The following HTR1F variants were observed in gnomAD, a reference collection of about 807,000 sequenced individuals.
The protein encoded by HTR1F is 5-hydroxytryptamine (serotonin) receptor 1F, G protein-coupled.
A neutral mutation model predicts 24.0 loss-of-function variants in HTR1F; 17 were observed. That is an observed-to-expected ratio of 0.71 (90% CI 0.48 to 1.06). HTR1F has a LOEUF of 1.06. Ranked by LOEUF, HTR1F falls within the 50% of genes least tolerant of loss-of-function variation. The pLI, the probability that HTR1F is intolerant of heterozygous loss-of-function variation, is 0.00. For synonymous variants in HTR1F, 186 were observed against 156.8 expected, an observed-to-expected ratio of 1.19 and a Z score of -1.39; for missense variants, 391 against 427.8, an observed-to-expected ratio of 0.91 and a Z score of 0.76.
At chr3:87,961,802 TAAA>T (rs5850819) in intron 2 of HTR1F, among the ~76,000 whole-genome samples, 1 of 142,784 alleles carries the variant, frequency 7.0e-6, no homozygotes, top group African/African-American at 2.5e-5. Context: ...TAATAAGATC[TAAA>T]AAAAAAAAAA....
intron 2 of HTR1F, among the ~76,000 whole-genome samples, chr3:87,930,713 C>G (rs140047938): frequency 6.6e-6 from 1 of 151,620 alleles, no homozygotes; most frequent in African/African-American, 2.4e-5. Flanking sequence ...GATTTTTGCA[C>G]TTTATAGACT....
At chr3:87,834,268 G>C (rs1400792175) in intron 2 of HTR1F, among the ~76,000 whole-genome samples, 6 of 151,938 alleles carry the variant, frequency 3.9e-5, no homozygotes, top group African/African-American at 1.5e-4. Flanking sequence ...TACACATAAG[G>C]TATGCATAAT....
At chr3:87,952,468 T>C (rs879620213) in intron 2 of HTR1F, among the ~76,000 whole-genome samples, 6 of 151,876 alleles carry the variant, frequency 4.0e-5, no homozygotes, top group Non-Finnish European at 7.4e-5. Context: ...ATCTATAAAA[T>C]GGGGATTAAA....
At chr3:87,956,823 T>G (rs1704954748) in intron 2 of HTR1F, among the ~76,000 whole-genome samples, 1 of 151,432 alleles carries the variant, frequency 6.6e-6, no homozygotes, top group Non-Finnish European at 1.5e-5. Context: ...TAACGTTGTA[T>G]CCTGCAACTT....
At chr3:87,956,579 T>C (rs927888112) in intron 2 of HTR1F, among the ~76,000 whole-genome samples, 2 of 151,388 alleles carry the variant, frequency 1.3e-5, no homozygotes, top group African/African-American at 2.4e-5. Context: ...TAGATAAATT[T>C]GGGAATAATT....
chr3:87,880,077 A>C (rs1163030551), intron 2 of HTR1F, among the ~76,000 whole-genome samples: 2 of 152,214 alleles, frequency 1.3e-5, no homozygotes, highest in Admixed American at 1.3e-4. Flanking sequence ...GCACAAAAAA[A>C]GTTGAAAGAC....
intron 2 of HTR1F, among the ~76,000 whole-genome samples, chr3:87,970,758 C>T (rs550483367): frequency 1.3e-5 from 2 of 152,286 alleles, no homozygotes; most frequent in South Asian, 2.1e-4. Flanking sequence ...TTACATTTGA[C>T]TTTAGCTACT....
At chr3:87,809,636 T>C (rs1704128385) in intron 1 of HTR1F, among the ~76,000 whole-genome samples, 1 of 152,018 alleles carries the variant, frequency 6.6e-6, no homozygotes, top group South Asian at 2.1e-4. Flanking sequence ...CATATTCTTA[T>C]GTTATTGTAT....
intron 2 of HTR1F, among the ~76,000 whole-genome samples, chr3:87,928,403 T>A (rs1031758382): frequency 6.6e-6 from 1 of 152,208 alleles, no homozygotes; most frequent in Non-Finnish European, 1.5e-5. Flanking sequence ...TTGAACATTT[T>A]ATTTGGACAG....
At chr3:87,890,973 CTGGG>C (rs1442660099) in intron 2 of HTR1F, among the ~76,000 whole-genome samples, 1 of 151,816 alleles carries the variant, frequency 6.6e-6, no homozygotes, top group Non-Finnish European at 1.5e-5. Context: ...TCCCAAGTAG[CTGGG>C]ATTACAGGCA....
chr3:87,809,819 A>T (rs954320982), intron 1 of HTR1F, among the ~76,000 whole-genome samples: 1 of 152,032 alleles, frequency 6.6e-6, no homozygotes, highest in Admixed American at 6.6e-5. Context: ...TATTAAATTC[A>T]TCTTGTCCAA....
intron 2 of HTR1F, among the ~76,000 whole-genome samples, chr3:87,875,592 A>G: frequency 6.6e-6 from 1 of 152,172 alleles, no homozygotes; most frequent in East Asian, 1.9e-4. Context: ...CAGAACTCAT[A>G]GGACACAACA....
At chr3:87,898,368 T>C (rs1706248789) in intron 2 of HTR1F, among the ~76,000 whole-genome samples, 1 of 152,276 alleles carries the variant, frequency 6.6e-6, no homozygotes, top group Admixed American at 6.5e-5. Context: ...CTTGAGGCCT[T>C]GGGTAGGTCA....
intron 2 of HTR1F, among the ~76,000 whole-genome samples, chr3:87,979,705 C>T (rs1231397611): frequency 1.3e-5 from 2 of 152,344 alleles, no homozygotes; most frequent in South Asian, 2.1e-4. Flanking sequence ...GGCTGCCAGC[C>T]AAGACCCCAT....
chr3:87,806,859 A>G (rs1220952260), intron 1 of HTR1F, among the ~76,000 whole-genome samples: 1 of 151,778 alleles, frequency 6.6e-6, no homozygotes, highest in Non-Finnish European at 1.5e-5. Context: ...TTCTGTATAC[A>G]TTCGGTTTTC....
chr3:87,941,907 AG>A (rs1364809566), intron 2 of HTR1F, among the ~76,000 whole-genome samples: 1 of 152,130 alleles, frequency 6.6e-6, no homozygotes, highest in Non-Finnish European at 1.5e-5. Flanking sequence ...GGAGTATTGC[AG>A]GGGCTATTGC....
intron 2 of HTR1F, among the ~76,000 whole-genome samples, chr3:87,884,268 A>G (rs1705882460): frequency 6.6e-6 from 1 of 152,194 alleles, no homozygotes; most frequent in Non-Finnish European, 1.5e-5. Context: ...AGGAGAAATA[A>G]AATCCTTTAC....
intron 2 of HTR1F, among the ~76,000 whole-genome samples, chr3:87,972,181 CAT>C (rs759720653): frequency 6.6e-6 from 1 of 152,290 alleles, no homozygotes; most frequent in Middle Eastern, 3.4e-3. Flanking sequence ...TGAGGGAAGA[CAT>C]ATAATAAATT....
intron 2 of HTR1F, among the ~76,000 whole-genome samples, chr3:87,912,458 A>G (rs1056999467): frequency 6.6e-6 from 1 of 152,078 alleles, no homozygotes. Context: ...ATGCTCATGG[A>G]TAGAAAGAAC....
Sources: allele counts gnomAD v4.1 joint callset (sites outside exome capture counted in the v4.1 genomes callset), GRCh38; gene constraint gnomAD v4.1.1; transcripts MANE v1.5; gene names NCBI Gene and HGNC (gene_info 2026-07-23, HGNC 2026-07-21).